The following NEGR1 variants were observed in gnomAD, a reference collection of about 807,000 sequenced individuals.
The protein encoded by NEGR1 is neuronal growth regulator 1.
NEGR1 carries 10 observed loss-of-function variants against 40.9 expected under a neutral mutation model. The observed-to-expected ratio is 0.24, with a 90% CI of 0.15 to 0.42. The LOEUF is 0.42. Ranked by LOEUF, NEGR1 falls within the 10% of genes least tolerant of loss-of-function variation. The pLI is 1.00. For synonymous variants in NEGR1, 185 were observed against 166.8 expected (o/e 1.11, Z -0.84); for missense variants, 352 against 438.9 (o/e 0.80, Z 1.77).
intron 1 of NEGR1, among the ~76,000 whole-genome samples, chr1:72,098,783 G>A (rs1455135053): frequency 6.6e-6 from 1 of 151,940 alleles, no homozygotes; most frequent in African/African-American, 2.4e-5. Context: ...TCTAATAACA[G>A]GTAAACTGCA....
At chr1:72,158,880 TTA>T (rs1480689667) in intron 1 of NEGR1, among the ~76,000 whole-genome samples, 3 of 152,162 alleles carry the variant, frequency 2.0e-5, no homozygotes, top group African/African-American at 7.2e-5. Flanking sequence ...TGCTCATCTT[TTA>T]AATCATTAAC....
At chr1:71,936,702 C>A (rs1207258589) in intron 1 of NEGR1, among the ~76,000 whole-genome samples, 1 of 152,160 alleles carries the variant, frequency 6.6e-6, no homozygotes, top group Non-Finnish European at 1.5e-5. Context: ...ACTGGATCCA[C>A]ATGATGATGA....
chr1:71,837,254 A>G (rs1462324672), intron 2 of NEGR1, among the ~76,000 whole-genome samples: 1 of 152,082 alleles, frequency 6.6e-6, no homozygotes, highest in Non-Finnish European at 1.5e-5. Context: ...TATATGCCTG[A>G]CACTATTCTA....
intron 1 of NEGR1, among the ~76,000 whole-genome samples, chr1:72,164,263 T>G (rs1651692759): frequency 6.6e-6 from 1 of 152,032 alleles, no homozygotes; most frequent in South Asian, 2.1e-4. Flanking sequence ...AGCTTATGTT[T>G]AGAATGTAAC....
At chr1:71,556,985 A>G (rs924729306) in intron 6 of NEGR1, among the ~76,000 whole-genome samples, 21 of 151,628 alleles carry the variant, frequency 1.4e-4, no homozygotes, top group Non-Finnish European at 2.7e-4. Flanking sequence ...TGCATTTTGC[A>G]AAGTATGAAA....
chr1:71,453,403 C>T (rs1646647161), intron 6 of NEGR1, among the ~76,000 whole-genome samples: 1 of 152,070 alleles, frequency 6.6e-6, no homozygotes, highest in Admixed American at 6.5e-5. Context: ...GCATTTGAAA[C>T]TCTCAAATAC....
intron 6 of NEGR1, among the ~76,000 whole-genome samples, chr1:71,566,021 A>T (rs1024680976): frequency 6.6e-6 from 1 of 152,076 alleles, no homozygotes; most frequent in Non-Finnish European, 1.5e-5. Flanking sequence ...GCCAAGGGAC[A>T]CCAACAATTG....
intron 6 of NEGR1, among the ~76,000 whole-genome samples, chr1:71,493,969 C>A (rs1024215549): frequency 1.6e-4 from 25 of 152,160 alleles, no homozygotes; most frequent in African/African-American, 5.8e-4. Context: ...TTATGCTTAT[C>A]CTTTTGCCTG....
chr1:71,776,479 G>GT (rs538638715), intron 2 of NEGR1, among the ~76,000 whole-genome samples, 182 bp from the exon 3 acceptor site: 19 of 151,976 alleles, frequency 1.3e-4, no homozygotes, highest in African/African-American at 3.4e-4. Context: ...TTTTTTATTA[G>GT]TTTTTTTTCC....
At chr1:71,728,278 T>C (rs1654739348) in intron 3 of NEGR1, among the ~76,000 whole-genome samples, 1 of 152,140 alleles carries the variant, frequency 6.6e-6, no homozygotes, top group Non-Finnish European at 1.5e-5. Flanking sequence ...GTAAGAGACA[T>C]GTGCAAAAAT....
At chr1:71,958,945 T>A (rs1646140630) in intron 1 of NEGR1, among the ~76,000 whole-genome samples, 1 of 125,246 alleles carries the variant, frequency 8.0e-6, no homozygotes, top group African/African-American at 3.3e-5. Flanking sequence ...AGGCTCCATC[T>A]CATCTCAAAA....
intron 6 of NEGR1, among the ~76,000 whole-genome samples, chr1:71,581,160 C>T (rs544855869): frequency 7.2e-5 from 11 of 152,218 alleles, no homozygotes; most frequent in African/African-American, 2.6e-4. Flanking sequence ...TGTGATATGG[C>T]ACATCTCTTC....
intron 1 of NEGR1, among the ~76,000 whole-genome samples, chr1:72,233,340 G>A (rs1482456047): frequency 6.6e-6 from 1 of 152,060 alleles, no homozygotes; most frequent in Non-Finnish European, 1.5e-5. Context: ...ATGCAGGTTT[G>A]TTTCAAGGTT....
At chr1:71,467,826 A>G (rs950233174) in intron 6 of NEGR1, among the ~76,000 whole-genome samples, 2 of 152,024 alleles carry the variant, frequency 1.3e-5, no homozygotes, top group African/African-American at 4.8e-5. Context: ...TTTGGTGGTA[A>G]CCATTGAAAA....
At chr1:71,782,065 C>A (rs1656736532) in intron 2 of NEGR1, among the ~76,000 whole-genome samples, 1 of 152,144 alleles carries the variant, frequency 6.6e-6, no homozygotes, top group Non-Finnish European at 1.5e-5. Context: ...TTTTCTGGGT[C>A]TGCACTGTGG....
intron 2 of NEGR1, among the ~76,000 whole-genome samples, chr1:71,900,260 C>G (rs1024402341): frequency 3.9e-5 from 6 of 152,142 alleles, no homozygotes; most frequent in African/African-American, 1.4e-4. Flanking sequence ...AACTTATGAA[C>G]TACAGGTTTA....
At chr1:72,204,949 C>T (rs1443727780) in intron 1 of NEGR1, among the ~76,000 whole-genome samples, 1 of 151,886 alleles carries the variant, frequency 6.6e-6, no homozygotes, top group Non-Finnish European at 1.5e-5. Context: ...CACAACAATG[C>T]TTAAAAAATA....
At chr1:72,215,200 A>G (rs1201775705) in intron 1 of NEGR1, among the ~76,000 whole-genome samples, 3 of 152,160 alleles carry the variant, frequency 2.0e-5, no homozygotes, top group Non-Finnish European at 2.9e-5. Flanking sequence ...CTTAGACCTC[A>G]TACAAAAATT....
intron 1 of NEGR1, among the ~76,000 whole-genome samples, chr1:72,172,560 G>T (rs1652001037): frequency 6.6e-6 from 1 of 152,012 alleles, no homozygotes; most frequent in African/African-American, 2.4e-5. Flanking sequence ...CATAAAAAAT[G>T]GATTTCAAAA....
Sources: gnomAD v4.1 joint callset for allele counts (sites outside exome capture counted in the v4.1 genomes callset) on GRCh38, gnomAD v4.1.1 for gene constraint, MANE v1.5 for transcripts, NCBI Gene and HGNC (gene_info 2026-07-23, HGNC 2026-07-21) for gene names.